CCSER1: variants seen among roughly 807,000 people sequenced by gnomAD.
CCSER1 encodes serine-rich coiled-coil domain-containing protein 1.
Under a neutral mutation model 82.0 loss-of-function variants are expected in CCSER1, and 41 were observed. The ratio of observed to expected loss-of-function variants is 0.50; its 90% CI spans 0.39 to 0.65. CCSER1 has a LOEUF of 0.65. CCSER1 is among the 30% of genes least tolerant of loss of function. The pLI is 0.00. For synonymous variants in CCSER1, 414 were observed against 383.9 expected, an observed-to-expected ratio of 1.08 and a Z score of -0.92; for missense variants, 1,119 against 1,064.2, an observed-to-expected ratio of 1.05 and a Z score of -0.72.
chr4:90,269,701 AT>A (rs1288975265), intron 1 of CCSER1, among the ~76,000 whole-genome samples: 3 of 148,318 alleles, frequency 2.0e-5, no homozygotes, highest in African/African-American at 7.8e-5. Context: ...AATAAATGAA[AT>A]TGAAGAAAAC....
intron 10 of CCSER1, among the ~76,000 whole-genome samples, chr4:91,135,119 A>G (rs1728350118): frequency 6.6e-6 from 1 of 152,172 alleles, no homozygotes; most frequent in African/African-American, 2.4e-5. Flanking sequence ...CTACAAAAGA[A>G]AAAACAGTAA....
chr4:90,546,737 C>T (rs1391096724), intron 5 of CCSER1, among the ~76,000 whole-genome samples: 9 of 152,020 alleles, frequency 5.9e-5, no homozygotes, highest in Admixed American at 2.6e-4. Context: ...GTTCTTTCTT[C>T]GAGAGCTTAG....
intron 10 of CCSER1, among the ~76,000 whole-genome samples, chr4:91,339,122 A>G (rs895806432): frequency 1.3e-5 from 2 of 152,248 alleles, no homozygotes; most frequent in African/African-American, 4.8e-5. Flanking sequence ...CTCAATGCTG[A>G]AGGAATTTTG....
intron 10 of CCSER1, among the ~76,000 whole-genome samples, chr4:91,485,766 C>T (rs1041623514): frequency 2.0e-5 from 3 of 152,132 alleles, no homozygotes; most frequent in Admixed American, 2.0e-4. Flanking sequence ...ATTTTCACTT[C>T]TTCATATACT....
chr4:91,379,879 C>T (rs1265570476), intron 10 of CCSER1, among the ~76,000 whole-genome samples: 4 of 152,160 alleles, frequency 2.6e-5, no homozygotes. Flanking sequence ...CTCTTGTGGG[C>T]ATTAAGTGCT....
intron 5 of CCSER1, among the ~76,000 whole-genome samples, chr4:90,598,906 G>T (rs949286213): frequency 6.6e-6 from 1 of 152,150 alleles, no homozygotes; most frequent in Non-Finnish European, 1.5e-5. Context: ...ATGTGTGAGA[G>T]CATGGTGCAA....
chr4:91,094,110 C>A (rs1724253141), intron 10 of CCSER1, among the ~76,000 whole-genome samples: 1 of 152,166 alleles, frequency 6.6e-6, no homozygotes, highest in Non-Finnish European at 1.5e-5. Flanking sequence ...GCATCCGTCC[C>A]TTTGGCATAC....
intron 8 of CCSER1, among the ~76,000 whole-genome samples, chr4:90,916,826 G>T (rs1002281439): frequency 6.6e-6 from 1 of 151,754 alleles, no homozygotes; most frequent in South Asian, 2.1e-4. Flanking sequence ...AGAAAAAAAT[G>T]AACAACCCCA....
chr4:91,165,935 C>T (rs1732010102), intron 10 of CCSER1, among the ~76,000 whole-genome samples: 1 of 152,222 alleles, frequency 6.6e-6, no homozygotes, highest in Admixed American at 6.5e-5. Context: ...CCATGGGCTG[C>T]ACCTACTGTT....
chr4:90,743,940 C>G (rs1227110817), intron 7 of CCSER1, among the ~76,000 whole-genome samples: 1 of 152,154 alleles, frequency 6.6e-6, no homozygotes, highest in East Asian at 1.9e-4. Flanking sequence ...GGCCTGGTCA[C>G]TTAGTGATAT....
rs575175276 is a variant in CCSER1 at position 90,524,868 on chromosome 4, CT to C, written c.1724+56521del. Among the ~76,000 whole-genome samples, 428 of 152,032 alleles carry C rather than the reference CT, an allele frequency of 2.8e-3. 4 individuals carry two copies. The highest frequency in any genetic ancestry group is 0.01 in the African/African-American group (416 of 41,458). On this transcript the variant is annotated intron_variant, in intron 5 of 10. Transcript: ENST00000509176. ...TCCTTCAGTTGTCTAATTATGTCAC[CT>C]TTTTTTCAATCAATCAAATTATAAT...
At chr4:90,258,802 A>G (rs1463960723) in intron 1 of CCSER1, among the ~76,000 whole-genome samples, 5 of 152,096 alleles carry the variant, frequency 3.3e-5, no homozygotes, top group Non-Finnish European at 7.4e-5. Flanking sequence ...TGCACTCCTC[A>G]CCTAAGCAGT....
chr4:90,444,739 T>G (rs2153574803), intron 4 of CCSER1, among the ~76,000 whole-genome samples: 1 of 152,176 alleles, frequency 6.6e-6, no homozygotes, highest in South Asian at 2.1e-4. Context: ...TATCAAAATT[T>G]GAATATTAGA....
intron 1 of CCSER1, among the ~76,000 whole-genome samples, chr4:90,195,974 G>C (rs1258728723): frequency 6.6e-6 from 1 of 152,004 alleles, no homozygotes; most frequent in Admixed American, 6.6e-5. Context: ...GATTCCATCA[G>C]TTGAATTCCC....
chr4:90,496,989 AAAAAG>A, intron 5 of CCSER1, among the ~76,000 whole-genome samples: 1 of 151,454 alleles, frequency 6.6e-6, no homozygotes, highest in Non-Finnish European at 1.5e-5. Context: ...AAAAAAAAAA[AAAAAG>A]AAAGAGAAAG....
chr4:90,455,023 T>G (rs1461101734), intron 4 of CCSER1, among the ~76,000 whole-genome samples: 1 of 152,184 alleles, frequency 6.6e-6, no homozygotes, highest in Non-Finnish European at 1.5e-5. Flanking sequence ...GAGGTACCTC[T>G]GGGGTTTGCT....
At chr4:90,532,985 A>G (rs1296974348) in intron 5 of CCSER1, among the ~76,000 whole-genome samples, 2 of 147,976 alleles carry the variant, frequency 1.4e-5, no homozygotes, top group Non-Finnish European at 3.0e-5. Context: ...TAGGTTTTTT[A>G]GTTTTGAGAT....
chr4:91,463,224 C>T (rs542300991), intron 10 of CCSER1, among the ~76,000 whole-genome samples: 73 of 152,294 alleles, frequency 4.8e-4, no homozygotes, highest in African/African-American at 1.4e-3. Flanking sequence ...CTGCAGCCTC[C>T]GCTGCTGATA....
intron 1 of CCSER1, among the ~76,000 whole-genome samples, chr4:90,129,558 T>C (rs1303916556): frequency 1.3e-5 from 2 of 152,244 alleles, no homozygotes; most frequent in Non-Finnish European, 2.9e-5. Flanking sequence ...GACAATGTTT[T>C]TCAAATATTG....
Sources: allele counts gnomAD v4.1 joint callset (sites outside exome capture counted in the v4.1 genomes callset), GRCh38; gene constraint gnomAD v4.1.1; transcripts MANE v1.5; gene names NCBI Gene and HGNC (gene_info 2026-07-23, HGNC 2026-07-21).